The following BCAR1 variants were observed in gnomAD, a reference collection of about 807,000 sequenced individuals.
The protein encoded by BCAR1 is breast cancer anti-estrogen resistance protein 1.
In BCAR1, 30 loss-of-function variants were observed where a neutral mutation model predicts 67.6. That is an observed-to-expected ratio of 0.44 (90% CI 0.33 to 0.60). The LOEUF is 0.60. BCAR1 is among the 20% of genes least tolerant of loss of function. The pLI is 0.02. For missense variants in BCAR1, 1,313 were observed against 1,222.3 expected, an observed-to-expected ratio of 1.07 and a Z score of -1.11; for synonymous variants, 626 against 556.7, an observed-to-expected ratio of 1.12 and a Z score of -1.75.
intron 1 of BCAR1, chr16:75,248,094 C>G (rs1555544897): frequency 6.3e-7 from 1 of 1,596,474 alleles, no homozygotes. Flanking sequence ...TCAGAAGCTC[C>G]CTGACAGCCC....
rs767862947 is a variant in BCAR1 at position 75,229,826 on chromosome 16, AAAG to A, written c.2295_2297del (p.Phe766del). 2.9e-5 allele frequency: 47 copies of A among 1,613,332 alleles called. No individual in the cohort carries two copies. The highest frequency in any genetic ancestry group is 3.7e-5 in the Non-Finnish European group (44 of 1,180,002). ...GCGGCTGGTTGGTGGCCACGGCGGT[AAAG>A]AAGGCGTCCACGGCGTTGGTCAGTG... is the stretch of plus-strand genomic sequence containing the variant. On this transcript the variant is annotated inframe_deletion, in exon 7 of 7. Coordinates refer to ENST00000162330, the MANE Select transcript of BCAR1 (RefSeq NM_014567.5).
Position 75,229,488 on chromosome 16 carries a change from C to A in BCAR1, c.*23G>T, listed in dbSNP as rs1263296904. On this transcript the variant is annotated 3_prime_UTR_variant, in exon 7 of 7. Transcript: ENST00000162330. ...CTGGGACCGCCGCACCCCTCCCCTG[C>A]CTCCCTCCTGGGGTCACCACCCTCA... 2 of 1,514,718 alleles carry A rather than the reference C, an allele frequency of 1.3e-6. No homozygotes were observed. The highest frequency in any genetic ancestry group is 2.4e-5 in the East Asian group (1 of 42,078). 93.8% of individuals were successfully genotyped at this position (1,514,718 alleles called of 1,614,324 possible).
chr16:75,256,898 C>T (rs748290995), intron 1 of BCAR1, among the ~76,000 whole-genome samples: 5 of 152,314 alleles, frequency 3.3e-5, no homozygotes, highest in Admixed American at 1.3e-4. Flanking sequence ...CCTGGACCAG[C>T]GGCACCCCTG....
chr16:75,262,350 G>A (rs2077922714), intron 1 of BCAR1, among the ~76,000 whole-genome samples: 1 of 152,190 alleles, frequency 6.6e-6, no homozygotes, highest in Admixed American at 6.5e-5. Context: ...GTGTGAAGAG[G>A]GAGCCTGACA....
upstream of BCAR1, chr16:75,252,403 G>C (rs1052797830): frequency 6.8e-7 from 1 of 1,465,734 alleles, no homozygotes; most frequent in Non-Finnish European, 9.0e-7. Context: ...GCGGCACTGG[G>C]GGAATGAGGG....
At chr16:75,242,063 G>C (rs1330428990) in intron 2 of BCAR1, among the ~76,000 whole-genome samples, 1 of 152,216 alleles carries the variant, frequency 6.6e-6, no homozygotes, top group Non-Finnish European at 1.5e-5. Flanking sequence ...AGATGTGCCG[G>C]AACCCCATCT....
chr16:75,267,547 G>A (rs945745766), intron 1 of BCAR1, among the ~76,000 whole-genome samples: 6 of 151,862 alleles, frequency 4.0e-5, no homozygotes, highest in Admixed American at 1.3e-4. Context: ...CCTGGCGCCC[G>A]GGCTCCTGGC....
chr16:75,247,924 T>C, intron 1 of BCAR1: 1 of 753,706 alleles, frequency 1.3e-6, no homozygotes, highest in Non-Finnish European at 2.4e-6. Context: ...AAATGGGTAA[T>C]AGTGCCACAC....
intron 1 of BCAR1, among the ~76,000 whole-genome samples, chr16:75,260,844 G>T (rs551916300): frequency 6.6e-6 from 1 of 152,262 alleles, no homozygotes; most frequent in African/African-American, 2.4e-5. Flanking sequence ...GGAGCTTCAA[G>T]TTAAATTTGG....
Position 75,233,902 on chromosome 16 carries a change from G to C in BCAR1, c.2044C>G (p.Leu682Val), listed in dbSNP as rs368122204. 7 of 1,610,532 alleles carry C rather than the reference G, an allele frequency of 4.3e-6. No individual in the cohort carries two copies. The highest frequency in any genetic ancestry group is 5.1e-6 in the Non-Finnish European group (6 of 1,178,630). ...CGCGTGATGCTGCCCTTTTCCAGCA[G>C]CTCCTTCTGGGTCTTCTCAAACTCC... ...KEEFEKTQKELLEKGSITRQG... is the reference protein window; with the variant it reads ...KEEFEKTQKEVLEKGSITRQG... The change falls in exon 6 of 7, where the codon CTG becomes GTG. Residue 682 changes from leucine to valine, a missense_variant. Coordinates refer to ENST00000162330, the MANE Select transcript of BCAR1 (RefSeq NM_014567.5).
chr16:75,234,774 G>C (rs2151403560), intron 5 of BCAR1, 115 bp downstream of exon 5: 10 of 1,437,276 alleles, frequency 7.0e-6, no homozygotes, highest in East Asian at 4.6e-5. Flanking sequence ...GTCAAAGTGA[G>C]AGGAGGGTGC....
chr16:75,229,769 G>A lies in BCAR1; in HGVS notation c.2355C>T (p.Val785=). ...ACACCAGCTTGTGGGCGCTGAGGAT[G>A]ACGAACTTGCTGTGCGCCACAAAGA... is the stretch of plus-strand genomic sequence containing the variant. ...PKIFVAHSKF[V]ILSAHKLVFI... The change falls in exon 7 of 7, where the codon GTC becomes GTT. Residue 785 remains valine, a synonymous_variant. Coordinates refer to ENST00000162330, the MANE Select transcript of BCAR1 (RefSeq NM_014567.5). The A allele has an allele frequency of 6.2e-7, 1 of 1,613,504 alleles. No homozygotes were observed. Among genetic ancestry groups the A allele is most frequent in the Non-Finnish European group, 8.5e-7 (1 of 1,180,012 alleles).
At chr16:75,251,418 C>T in intron 1 of BCAR1, 53 bp downstream of exon 1, 2 of 1,478,078 alleles carry the variant, frequency 1.4e-6, no homozygotes. Flanking sequence ...CCCCTTCCAG[C>T]CCGCTGCCGC....
rs1828431971 is a variant in BCAR1 at position 75,228,405 on chromosome 16, A to T, written c.*1106T>A. ...AACGGTCAGGGCTGGGAGCAGCACCAGGGGTTCCAAGCACCCTGAAGCTTC... is the reference window on the plus strand; with the variant it reads ...AACGGTCAGGGCTGGGAGCAGCACCTGGGGTTCCAAGCACCCTGAAGCTTC... On this transcript the variant is annotated 3_prime_UTR_variant, in exon 7 of 7. Transcript: ENST00000162330. 1 of 152,278 alleles carries T rather than the reference A, an allele frequency of 6.6e-6. No individual in the cohort carries two copies. The highest frequency in any genetic ancestry group is 2.1e-4 in the South Asian group (1 of 4,834). The allele number at this position is 152,278 out of a possible 1,614,324, so 9.4% of individuals were successfully genotyped here. A position where few individuals can be genotyped will look rare whatever the true frequency, so the allele number is the denominator to read the frequency against.
chr16:75,238,850 G>C (rs994592115), intron 2 of BCAR1: 3 of 985,288 alleles, frequency 3.0e-6, no homozygotes, highest in African/African-American at 1.7e-5. Flanking sequence ...GCTGGGCCTC[G>C]AGGCACGGCC....
At chr16:75,238,131 G>A (rs730367) in intron 2 of BCAR1, 38,798 of 1,286,834 alleles carry the variant, frequency 0.03, 929 homozygotes, top group Middle Eastern at 0.11. Context: ...CGCACAGTGG[G>A]TGAAGAGGCA....
At chr16:75,233,150 T>C (rs565834793) in intron 6 of BCAR1, among the ~76,000 whole-genome samples, 9 of 152,212 alleles carry the variant, frequency 5.9e-5, no homozygotes, top group Admixed American at 5.9e-4. Flanking sequence ...GGCAGGTGGA[T>C]CGTTTGAGCC....
upstream of BCAR1, among the ~76,000 whole-genome samples, chr16:75,254,972 A>G (rs2077745313): frequency 6.6e-6 from 1 of 152,198 alleles, no homozygotes. Flanking sequence ...GACCCACTGC[A>G]CAGAACTTTT....
chr16:75,238,427 C>G, intron 2 of BCAR1: 1 of 1,037,730 alleles, frequency 9.6e-7, no homozygotes, highest in Non-Finnish European at 1.2e-6. Flanking sequence ...CCCAGGGCAG[C>G]AGCGCCAAAG....
Sources: allele counts gnomAD v4.1 joint callset (sites outside exome capture counted in the v4.1 genomes callset), GRCh38; gene constraint gnomAD v4.1.1; transcripts MANE v1.5; gene names NCBI Gene and HGNC (gene_info 2026-07-23, HGNC 2026-07-21).